The following BPIFC variants were observed in gnomAD, a reference collection of about 807,000 sequenced individuals.
BPIFC encodes BPI fold-containing family C protein.
A neutral mutation model predicts 57.6 loss-of-function variants in BPIFC; 60 were observed. The ratio of observed to expected loss-of-function variants is 1.04; its 90% confidence interval spans 0.85 to 1.29. The LOEUF (loss-of-function observed/expected upper bound fraction) is 1.29. BPIFC is among the 50% of genes most tolerant of loss of function. BPIFC has a pLI of 0.00. For synonymous variants in BPIFC, 243 were observed against 224.5 expected (o/e 1.08, Z -0.74); for missense variants, 581 against 600.5 (o/e 0.97, Z 0.34).
chr22:32,451,808 C>T (rs1934902629), intron 4 of BPIFC, among the ~76,000 whole-genome samples: 2 of 152,128 alleles, frequency 1.3e-5, no homozygotes, highest in Non-Finnish European at 2.9e-5. Context: ...GGCATTATTA[C>T]TGTAATTAAA....
intron 13 of BPIFC, among the ~76,000 whole-genome samples, chr22:32,425,635 A>T (rs528147455): frequency 6.6e-6 from 1 of 152,098 alleles, no homozygotes; most frequent in East Asian, 1.9e-4. Context: ...ATTCTTTATT[A>T]TTGGGCCTTT....
chr22:32,441,422 T>C (rs1360513715), intron 8 of BPIFC, among the ~76,000 whole-genome samples: 1 of 152,210 alleles, frequency 6.6e-6, no homozygotes, highest in Non-Finnish European at 1.5e-5. Flanking sequence ...GGCAGGTATG[T>C]CTGTTGCCTG....
intron 8 of BPIFC, among the ~76,000 whole-genome samples, chr22:32,441,556 G>A (rs1193806606): frequency 6.6e-6 from 1 of 152,178 alleles, no homozygotes; most frequent in African/African-American, 2.4e-5. Context: ...TGTCATGTGA[G>A]CACAGAGGAG....
At chr22:32,436,033 G>A (rs1406714608) in intron 9 of BPIFC, among the ~76,000 whole-genome samples, 153 bp from the exon 10 acceptor site, 2 of 152,216 alleles carry the variant, frequency 1.3e-5, no homozygotes, top group Non-Finnish European at 2.9e-5. Flanking sequence ...ACTTTGGGAG[G>A]CTGAGGCGGG....
chr22:32,436,276 G>A (rs140125046), intron 9 of BPIFC, among the ~76,000 whole-genome samples: 20 of 151,772 alleles, frequency 1.3e-4, no homozygotes, highest in Non-Finnish European at 2.2e-4. Flanking sequence ...CCTCCAGCCT[G>A]GGTGACAGAG....
chr22:32,436,478 A>G (rs1601462829), intron 9 of BPIFC, among the ~76,000 whole-genome samples: 1 of 151,856 alleles, frequency 6.6e-6, no homozygotes, highest in Admixed American at 6.6e-5. Context: ...AAGAAGAGGA[A>G]GAAGAAGAAG....
intron 13 of BPIFC, 115 bp from the exon 14 acceptor site, chr22:32,419,519 C>T: frequency 9.4e-7 from 1 of 1,066,396 alleles, no homozygotes; most frequent in Non-Finnish European, 1.4e-6. Flanking sequence ...AAAAAACACA[C>T]AAGGCTGGGC....
intron 13 of BPIFC, among the ~76,000 whole-genome samples, chr22:32,423,400 G>A (rs1469651255): frequency 1.3e-5 from 2 of 152,152 alleles, no homozygotes; most frequent in Non-Finnish European, 2.9e-5. Context: ...CAGAGGAAGG[G>A]TGGAGTTGGG....
chr22:32,432,327 G>T (rs759812639), intron 12 of BPIFC, 46 bp downstream of exon 12: 3 of 1,596,384 alleles, frequency 1.9e-6, no homozygotes, highest in South Asian at 2.2e-5. Flanking sequence ...CACAGCAGGA[G>T]CAGGATTGGC....
chr22:32,415,451 AT>A (rs1194153540), intron 16 of BPIFC, among the ~76,000 whole-genome samples: 1 of 152,222 alleles, frequency 6.6e-6, no homozygotes, highest in Non-Finnish European at 1.5e-5. Flanking sequence ...CCGGAAAACG[AT>A]TCGATCCCTG....
At chr22:32,433,266 G>C (rs1224830888) in intron 11 of BPIFC, among the ~76,000 whole-genome samples, 2 of 152,174 alleles carry the variant, frequency 1.3e-5, no homozygotes, top group Non-Finnish European at 2.9e-5. Context: ...TCTAGAACCA[G>C]GATGCTACAT....
At chr22:32,442,303 G>A (rs1934586604) in intron 8 of BPIFC, among the ~76,000 whole-genome samples, 2 of 152,176 alleles carry the variant, frequency 1.3e-5, no homozygotes, top group African/African-American at 2.4e-5. Flanking sequence ...AGGACTTGAT[G>A]CTCAGGGCAG....
At chr22:32,424,788 C>CTTCTTCTTCTT (rs1170619765) in intron 13 of BPIFC, among the ~76,000 whole-genome samples, 9 of 125,610 alleles carry the variant, frequency 7.2e-5, no homozygotes, top group Non-Finnish European at 1.0e-4. Flanking sequence ...TCTTCTTCTT[C>CTTCTTCTTCTT]CTTTTTTTTT....
intron 13 of BPIFC, among the ~76,000 whole-genome samples, chr22:32,424,707 CTT>C (rs1325556496): frequency 1.5e-4 from 15 of 102,806 alleles, no homozygotes; most frequent in African/African-American, 3.1e-4. Flanking sequence ...TCTTCTTCCT[CTT>C]CTTCTTCCTC....
At position 32,431,327 on chromosome 22, in the gene BPIFC, G is replaced by C. The variant is rs1424263434; in HGVS notation, c.1217+20C>G. Reference sequence around the variant, plus strand: ...CACTTATTACTAAGGTGCCCCAACAGTCAAATTGATTGATCTTACCTGTTC... The same window carrying C: ...CACTTATTACTAAGGTGCCCCAACACTCAAATTGATTGATCTTACCTGTTC... On this transcript the variant is annotated intron_variant, in intron 13 of 16. Transcript: ENST00000300399. 1 of 1,601,906 alleles carries C rather than the reference G, an allele frequency of 6.2e-7. No homozygotes were observed. Among genetic ancestry groups the C allele is most frequent in the Non-Finnish European group, 8.5e-7 (1 of 1,170,324 alleles).
At chr22:32,455,777 C>T (rs1461430696) in intron 3 of BPIFC, among the ~76,000 whole-genome samples, 1 of 152,208 alleles carries the variant, frequency 6.6e-6, no homozygotes, top group Non-Finnish European at 1.5e-5. Flanking sequence ...ATGACAACAG[C>T]TTATTTGTAG....
intron 8 of BPIFC, among the ~76,000 whole-genome samples, chr22:32,441,851 T>A (rs2145944040): frequency 6.6e-6 from 1 of 152,148 alleles, no homozygotes; most frequent in East Asian, 1.9e-4. Context: ...GGGGGGATGG[T>A]TTCGGGATGA....
rs544915057 is a variant in BPIFC, at chr22:32,432,648, T to A, written c.979-105A>T. 11 of 1,100,140 alleles carry A rather than the reference T, an allele frequency of 1.0e-5. No homozygotes were observed. In the Admixed American group the frequency reaches 2.6e-4, roughly 26 times the overall value. 68.1% of individuals were successfully genotyped at this position (1,100,140 alleles called of 1,614,324 possible). On this transcript the variant is annotated intron_variant, in intron 11 of 16. Coordinates refer to ENST00000300399, the MANE Select transcript of BPIFC (RefSeq NM_174932.3). ...GGTGACTAAATCTTACATTGTGCAG[T>A]TAGAATAGAAAAAAAGCTCTTTAAT...
chr22:32,450,127 CACACACACACACACAT>C (rs912910590), intron 4 of BPIFC, among the ~76,000 whole-genome samples: 4 of 79,326 alleles, frequency 5.0e-5, no homozygotes, highest in African/African-American at 2.0e-4. Context: ...CACACACACA[CACACACACACACACAT>C]ATATACACAT....
Sources: allele counts gnomAD v4.1 joint callset (sites outside exome capture counted in the v4.1 genomes callset), GRCh38; gene constraint gnomAD v4.1.1; transcripts MANE v1.5; gene names NCBI Gene and HGNC (gene_info 2026-07-23, HGNC 2026-07-21).